Variants in PLCG2 observed in about 807,000 individuals in gnomAD.
PLCG2 encodes the protein phospholipase C gamma 2.
A neutral mutation model predicts 175.6 loss-of-function variants in PLCG2; 69 were observed. The ratio of observed to expected loss-of-function variants is 0.39; its 90% CI spans 0.32 to 0.48. The LOEUF is 0.48. Ranked by LOEUF, PLCG2 falls within the 20% of genes least tolerant of loss-of-function variation. PLCG2 has a pLI of 0.91. For missense variants in PLCG2, 1,798 were observed against 1,650.9 expected (o/e 1.09, Z -1.54); for synonymous variants, 827 against 624.0 (o/e 1.33, Z -4.85).
At chr16:81,884,419 A>C (rs13337013) in intron 9 of PLCG2, among the ~76,000 whole-genome samples, 1 of 152,124 alleles carries the variant, frequency 6.6e-6, no homozygotes, top group Non-Finnish European at 1.5e-5. Flanking sequence ...TTCAGCACCA[A>C]GTACCTACAG....
At chr16:81,740,760 A>AAC in intron 1 of PLCG2, among the ~76,000 whole-genome samples, 1 of 134,400 alleles carries the variant, frequency 7.4e-6, no homozygotes, top group South Asian at 2.3e-4. Flanking sequence ...AAAAAAAAAA[A>AAC]CCGAAACCAA....
intron 2 of PLCG2, among the ~76,000 whole-genome samples, chr16:81,805,769 TTTTTTTTTTTTTTG>T (rs1378540085): frequency 1.2e-5 from 1 of 86,284 alleles, no homozygotes; most frequent in African/African-American, 4.5e-5. Context: ...TTTGTTTTGT[TTTTTTTTTTTTTTG>T]TTTTTTTTTT....
At chr16:81,877,705 C>T (rs774481012) in intron 7 of PLCG2, among the ~76,000 whole-genome samples, 1 of 152,184 alleles carries the variant, frequency 6.6e-6, no homozygotes, top group South Asian at 2.1e-4. Context: ...TGGCATTGCT[C>T]TTTGGTGTGC....
At chr16:81,932,285 A>G (rs1189291242) in intron 25 of PLCG2, among the ~76,000 whole-genome samples, 3 of 152,154 alleles carry the variant, frequency 2.0e-5, no homozygotes, top group African/African-American at 7.2e-5. Flanking sequence ...AAGTAACCAC[A>G]CTTCTCTGGG....
chr16:81,767,586 C>G (rs760587707), intron 2 of PLCG2: 1 of 151,796 alleles, frequency 6.6e-6, no homozygotes, highest in African/African-American at 2.4e-5. Flanking sequence ...TGTTTTTTTT[C>G]TTTAAAAAAT....
intron 7 of PLCG2, among the ~76,000 whole-genome samples, chr16:81,872,379 A>G (rs908340623): frequency 2.0e-5 from 3 of 152,164 alleles, no homozygotes; most frequent in African/African-American, 7.2e-5. Flanking sequence ...GCTCCTTTTT[A>G]TGAGCAAGGG....
chr16:81,835,984 A>C (rs991219141), intron 2 of PLCG2, among the ~76,000 whole-genome samples: 8 of 152,196 alleles, frequency 5.3e-5, no homozygotes, highest in African/African-American at 1.9e-4. Context: ...TCTTGACTAC[A>C]TCTGCAAAGA....
intron 7 of PLCG2, among the ~76,000 whole-genome samples, chr16:81,872,480 C>G (rs1241770534): frequency 1.3e-5 from 2 of 152,178 alleles, no homozygotes; most frequent in Non-Finnish European, 2.9e-5. Context: ...AGGATAGTTA[C>G]CTTTTCTTTG....
intron 1 of PLCG2, among the ~76,000 whole-genome samples, chr16:81,745,068 A>C (rs1909677291): frequency 6.6e-6 from 1 of 152,232 alleles, no homozygotes; most frequent in Admixed American, 6.5e-5. Flanking sequence ...TCAGCAAAGA[A>C]TATAAGATGA....
At position 81,869,276 on chromosome 16, in the gene PLCG2, A is replaced by G. The variant is rs748418080; in HGVS notation, c.542A>G (p.Lys181Arg). ...PLINFKVSSA[K>R]FLKDKFVEIG... ...ATCAACTTTAAAGTGAGCAGTGCCA[A>G]GTTCCTTAAAGATAAGTTTGTGGTA... The change falls in exon 6 of 33, where the codon AAG becomes AGG. Residue 181 changes from lysine to arginine, a missense_variant. Coordinates refer to ENST00000564138, the MANE Select transcript of PLCG2 (RefSeq NM_002661.5). The G allele has an allele frequency of 3.7e-6, 6 of 1,613,068 alleles. No individual in the cohort carries two copies. The African/African-American group carries it at 5.3e-5, about 14-fold the overall frequency.
In PLCG2 at chr16:81,874,755, C is replaced by T. The variant is rs188257564; in HGVS notation, c.648+3820C>T. On this transcript the variant is annotated intron_variant, in intron 7 of 32. Transcript: ENST00000564138. ...GTTCCTCTTTGTGTCTAACCACCTG[C>T]CTACGTTCCACCTCTCGAGCTTCAG... 3.4e-4 allele frequency among the ~76,000 whole-genome samples: 52 copies of T among 152,252 alleles called. 1 individual carries two copies. The highest frequency in any genetic ancestry group is 1.2e-4 in the Non-Finnish European group (8 of 68,022).
At chr16:81,921,628 A>G in intron 21 of PLCG2, 1 of 352,310 alleles carries the variant, frequency 2.8e-6, no homozygotes, top group Non-Finnish European at 5.5e-6. Flanking sequence ...TGCAGTGCAA[A>G]TGCTATCTCA....
At chr16:81,764,749 C>A (rs1208766189) in intron 2 of PLCG2, among the ~76,000 whole-genome samples, 3 of 152,168 alleles carry the variant, frequency 2.0e-5, no homozygotes, top group Non-Finnish European at 4.4e-5. Context: ...AGGGTCTTTG[C>A]AGATGTAATC....
chr16:81,929,076 C>G (rs1031198358), intron 24 of PLCG2, among the ~76,000 whole-genome samples: 1 of 152,214 alleles, frequency 6.6e-6, no homozygotes, highest in African/African-American at 2.4e-5. Context: ...CCTGGTTGCT[C>G]GGCTGGGGCC....
At chr16:81,838,793 A>G (rs1161069651) in intron 2 of PLCG2, among the ~76,000 whole-genome samples, 1 of 148,298 alleles carries the variant, frequency 6.7e-6, no homozygotes, top group Non-Finnish European at 1.5e-5. Context: ...ATATATATAT[A>G]TATATATATA....
rs1363796115 is a variant in PLCG2, at chr16:81,803,222, C to A, written c.193+17040C>A. 2.7e-5 allele frequency among the ~76,000 whole-genome samples: 4 copies of A among 150,448 alleles called. No individual in the cohort carries two copies. The East Asian group carries it at 8.1e-4, about 30-fold the overall frequency. ...CAAGCTCTGCCTCATGGGTTCATGC[C>A]ATTCTCCTGCCTCAGCCTCCTGAGT... On this transcript the variant is annotated intron_variant, in intron 2 of 32. Coordinates refer to ENST00000564138, the MANE Select transcript of PLCG2 (RefSeq NM_002661.5).
chr16:81,933,516 C>G (rs1231295986), intron 25 of PLCG2, among the ~76,000 whole-genome samples: 2 of 151,772 alleles, frequency 1.3e-5, no homozygotes, highest in East Asian at 1.9e-4. Flanking sequence ...ACTTCCCATT[C>G]TGAGATGGCT....
chr16:81,822,761 CAAAAAA>C (rs59970301), intron 2 of PLCG2, among the ~76,000 whole-genome samples: 12 of 69,846 alleles, frequency 1.7e-4, no homozygotes, highest in African/African-American at 7.5e-4. Context: ...GACTCCATCT[CAAAAAA>C]AAAAAAAAAA....
At chr16:81,797,866 C>G (rs1911542379) in intron 2 of PLCG2, among the ~76,000 whole-genome samples, 1 of 150,654 alleles carries the variant, frequency 6.6e-6, no homozygotes, top group Non-Finnish European at 1.5e-5. Flanking sequence ...GAGTCTCACT[C>G]TGTCCCCAGG....
Sources: allele counts gnomAD v4.1 joint callset (sites outside exome capture counted in the v4.1 genomes callset), GRCh38; gene constraint gnomAD v4.1.1; transcripts MANE v1.5; gene names NCBI Gene and HGNC (gene_info 2026-07-23, HGNC 2026-07-21).